The following AGMO variants were observed in gnomAD, a reference collection of about 807,000 sequenced individuals.
AGMO encodes alkylglycerol monooxygenase.
Under a neutral mutation model 60.2 loss-of-function variants are expected in AGMO, and 75 were observed. The observed-to-expected ratio is 1.25, with a 90% CI of 1.03 to 1.51. The LOEUF (loss-of-function observed/expected upper bound fraction) is 1.51, where lower values mean the gene tolerates loss of function less well. Among genes scored for constraint, AGMO ranks in the 40% most tolerant of loss-of-function variants. The pLI is 0.00. For missense variants in AGMO, 763 were observed against 525.5 expected, an observed-to-expected ratio of 1.45 and a Z score of -4.42; for synonymous variants, 261 against 177.1, an observed-to-expected ratio of 1.47 and a Z score of -3.76.
chr7:15,125,029 A>T, the AGMO span, among the ~76,000 whole-genome samples: 1 of 151,826 alleles, frequency 6.6e-6, no homozygotes, highest in African/African-American at 2.4e-5. Context: ...AGGGAAGGTT[A>T]AAACAGTATT....
rs1482773165 is a variant in AGMO, at chr7:15,471,542, G to A, written c.410-40434C>T. 2.0e-5 allele frequency among the ~76,000 whole-genome samples: 3 copies of A among 151,802 alleles called. No homozygotes were observed. The East Asian group carries it at 5.8e-4, about 29-fold the overall frequency. On this transcript the variant is annotated intron_variant, in intron 3 of 12. Coordinates refer to ENST00000342526, the MANE Select transcript of AGMO (RefSeq NM_001004320.2). ...GGCATAGAGGAGAATCTGTATTCTT[G>A]AATATTGTTTAGTAGCTTTAACTAT...
the AGMO span, among the ~76,000 whole-genome samples, chr7:15,140,950 A>C: frequency 6.6e-6 from 1 of 152,134 alleles, no homozygotes. Context: ...GCTCTTTGAC[A>C]ATAGGCTTAT....
chr7:15,436,256 G>A (rs956484146), intron 3 of AGMO, among the ~76,000 whole-genome samples: 4 of 152,084 alleles, frequency 2.6e-5, no homozygotes, highest in African/African-American at 9.7e-5. Context: ...TGTGGAATTT[G>A]TAATAAACAG....
chr7:15,117,579 C>T, the AGMO span, among the ~76,000 whole-genome samples: 2 of 151,856 alleles, frequency 1.3e-5, no homozygotes, highest in Non-Finnish European at 2.9e-5. Flanking sequence ...GTACACTGTT[C>T]AGTATTTGGG....
At chr7:15,499,187 A>G (rs1226688676) in intron 3 of AGMO, among the ~76,000 whole-genome samples, 1 of 151,888 alleles carries the variant, frequency 6.6e-6, no homozygotes, top group African/African-American at 2.4e-5. Context: ...TCTAGAAGTA[A>G]GCTTAAGAGC....
intron 10 of AGMO, among the ~76,000 whole-genome samples, chr7:15,369,250 C>T (rs1162922697): frequency 2.0e-5 from 3 of 151,992 alleles, no homozygotes; most frequent in Non-Finnish European, 4.4e-5. Flanking sequence ...ATTGCCTGTC[C>T]ACCTACCACA....
intron 3 of AGMO, among the ~76,000 whole-genome samples, chr7:15,470,518 G>C (rs1254766638): frequency 6.6e-6 from 1 of 151,582 alleles, no homozygotes; most frequent in African/African-American, 2.4e-5. Context: ...TTAATAAATT[G>C]ACTTTTTACA....
chr7:15,364,424 T>C (rs1782885881), intron 12 of AGMO, among the ~76,000 whole-genome samples: 1 of 152,080 alleles, frequency 6.6e-6, no homozygotes, highest in South Asian at 2.1e-4. Flanking sequence ...ACTGTTAAGA[T>C]TGCTCCTTAT....
intron 3 of AGMO, among the ~76,000 whole-genome samples, chr7:15,543,775 C>G (rs897887591): frequency 3.3e-5 from 5 of 151,662 alleles, no homozygotes; most frequent in African/African-American, 1.2e-4. Context: ...TTCTTTTCCT[C>G]TGCGTAAAGA....
rs111409573 is a variant in AGMO, at chr7:15,480,163, C to A, written c.410-49055G>T. The stretch of plus-strand genomic sequence containing the variant: ...TAGTTACTTCCGAGATAGGAATACC[C>A]ATCTCAAGAAGAAATTTAAAAATCA... On this transcript the variant is annotated intron_variant, in intron 3 of 12. Transcript: ENST00000342526. 7.0e-3 allele frequency among the ~76,000 whole-genome samples: 1,068 copies of A among 152,120 alleles called. 10 individuals carry two copies. Among genetic ancestry groups the A allele is most frequent in the African/African-American group, 0.025 (1,027 of 41,506 alleles).
Position 15,477,098 on chromosome 7 carries a change from T to C in AGMO, c.410-45990A>G, listed in dbSNP as rs1030780051. Among the ~76,000 whole-genome samples the C allele has an allele frequency of 3.9e-5, 6 of 152,042 alleles. No individual in the cohort carries two copies. In the East Asian group the frequency reaches 7.8e-4, roughly 20 times the overall value. ...AATTACGTATACACAGAAAAGGAAT[T>C]AGCCTATCACAGACTATTTATTTTA... On this transcript the variant is annotated intron_variant, in intron 3 of 12. Coordinates refer to ENST00000342526, the MANE Select transcript of AGMO (RefSeq NM_001004320.2).
At chr7:15,322,527 AAT>A (rs1185191567) in intron 12 of AGMO, among the ~76,000 whole-genome samples, 1 of 54,952 alleles carries the variant, frequency 1.8e-5, no homozygotes, top group Non-Finnish European at 2.9e-5. Flanking sequence ...AATATATATA[AAT>A]ATATAAATAT....
chr7:15,351,716 TAAATAA>T (rs1782249844), intron 12 of AGMO, among the ~76,000 whole-genome samples: 4 of 152,298 alleles, frequency 2.6e-5, no homozygotes, highest in Admixed American at 6.5e-5. Flanking sequence ...AGTGGACACA[TAAATAA>T]AAATAAATTT....
chr7:15,278,171 A>T (rs1048921068), intron 12 of AGMO, among the ~76,000 whole-genome samples: 11 of 152,166 alleles, frequency 7.2e-5, no homozygotes, highest in African/African-American at 2.7e-4. Context: ...CTCTTCACTC[A>T]GTCCAATACA....
At chr7:15,341,966 T>C (rs1007115838) in intron 12 of AGMO, among the ~76,000 whole-genome samples, 1 of 151,386 alleles carries the variant, frequency 6.6e-6, no homozygotes, top group African/African-American at 2.4e-5. Context: ...CCATGGCACG[T>C]AGGGATAATG....
At chr7:15,156,212 G>C in the AGMO span, among the ~76,000 whole-genome samples, 5 of 152,206 alleles carry the variant, frequency 3.3e-5, no homozygotes, top group African/African-American at 1.2e-4. Flanking sequence ...CTGTTGGTGA[G>C]TATGCACTGG....
At chr7:15,445,194 A>G (rs1781665807) in intron 3 of AGMO, among the ~76,000 whole-genome samples, 1 of 152,184 alleles carries the variant, frequency 6.6e-6, no homozygotes, top group Admixed American at 6.5e-5. Flanking sequence ...TATGAAGAGA[A>G]ATGTGAAAAG....
the AGMO span, among the ~76,000 whole-genome samples, chr7:15,140,723 T>C: frequency 6.6e-6 from 1 of 152,164 alleles, no homozygotes; most frequent in African/African-American, 2.4e-5. Context: ...ATTCTTAAAG[T>C]TTATTTTGGT....
chr7:15,392,264 G>A (rs1416927989), intron 6 of AGMO, among the ~76,000 whole-genome samples: 1 of 151,552 alleles, frequency 6.6e-6, no homozygotes, highest in Admixed American at 6.6e-5. Context: ...TAGTAGAGAT[G>A]GGGTTTCACC....
Sources: allele counts gnomAD v4.1 joint callset (sites outside exome capture counted in the v4.1 genomes callset), GRCh38; gene constraint gnomAD v4.1.1; transcripts MANE v1.5; gene names NCBI Gene and HGNC (gene_info 2026-07-23, HGNC 2026-07-21).